The following WWOX variants were observed in gnomAD, a reference collection of about 807,000 sequenced individuals.
WWOX encodes WW domain-containing oxidoreductase.
WWOX carries 69 observed loss-of-function variants against 46.2 expected under a neutral mutation model. The observed-to-expected ratio is 1.49, with a 90% CI of 1.23 to 1.82. The LOEUF is 1.82. Among genes scored for constraint, WWOX ranks in the 40% most tolerant of loss-of-function variants. WWOX has a pLI of 0.00. For missense variants in WWOX, 919 were observed against 542.6 expected (o/e 1.69, Z -6.89); for synonymous variants, 359 against 202.6 (o/e 1.77, Z -6.56).
At position 78,539,604 on chromosome 16, in the gene WWOX, G is replaced by T. The variant is rs893213645; in HGVS notation, c.1056+106852G>T. On this transcript the variant is annotated intron_variant, in intron 8 of 8. Coordinates refer to ENST00000566780, the MANE Select transcript of WWOX (RefSeq NM_016373.4). ...ACACATGCATTTTTAAGAATTTCCC[G>T]ATTCTCTTCCACGTGTGGACAGATT... Among the ~76,000 whole-genome samples the T allele has an allele frequency of 3.3e-5, 5 of 152,278 alleles. No individual in the cohort carries two copies. In the East Asian group the frequency reaches 7.7e-4, roughly 24 times the overall value.
intron 8 of WWOX, among the ~76,000 whole-genome samples, chr16:78,435,017 G>T (rs79376150): frequency 6.6e-6 from 1 of 152,332 alleles, no homozygotes; most frequent in East Asian, 1.9e-4. Flanking sequence ...AGTCAGACTT[G>T]AAAGTTGGCT....
chr16:79,095,554 C>G (rs1266360322), intron 8 of WWOX, among the ~76,000 whole-genome samples: 1 of 152,088 alleles, frequency 6.6e-6, no homozygotes, highest in African/African-American at 2.4e-5. Context: ...CGCGGGGGAG[C>G]TGACATTGCA....
At chr16:78,791,555 C>T (rs892480761) in intron 8 of WWOX, among the ~76,000 whole-genome samples, 6 of 152,186 alleles carry the variant, frequency 3.9e-5, no homozygotes, top group Middle Eastern at 3.4e-3. Flanking sequence ...ATCATACCTT[C>T]GCAGGCCATC....
At chr16:78,335,233 C>G (rs2080861188) in intron 5 of WWOX, among the ~76,000 whole-genome samples, 1 of 152,168 alleles carries the variant, frequency 6.6e-6, no homozygotes, top group Non-Finnish European at 1.5e-5. Context: ...AACTTATCAC[C>G]TGGATATGAA....
chr16:78,912,942 C>T (rs571216425), intron 8 of WWOX, among the ~76,000 whole-genome samples: 88 of 152,064 alleles, frequency 5.8e-4, no homozygotes, highest in African/African-American at 2.0e-3. Flanking sequence ...CTCGAAGGGT[C>T]GAACGGTCCA....
At chr16:78,823,395 T>C (rs2051559031) in intron 8 of WWOX, among the ~76,000 whole-genome samples, 1 of 152,130 alleles carries the variant, frequency 6.6e-6, no homozygotes, top group Non-Finnish European at 1.5e-5. Flanking sequence ...CCAGGTTCAA[T>C]AAGAGGCAGG....
intron 8 of WWOX, among the ~76,000 whole-genome samples, chr16:79,111,924 G>A (rs2049424456): frequency 6.6e-6 from 1 of 152,038 alleles, no homozygotes; most frequent in Non-Finnish European, 1.5e-5. Context: ...TTGCAACTGG[G>A]TCAAGATCAG....
At chr16:79,046,827 CTT>C (rs1567512573) in intron 8 of WWOX, among the ~76,000 whole-genome samples, 1 of 152,190 alleles carries the variant, frequency 6.6e-6, no homozygotes, top group African/African-American at 2.4e-5. Flanking sequence ...ACAAATGTCT[CTT>C]TGTGTCCAAC....
intron 8 of WWOX, among the ~76,000 whole-genome samples, chr16:78,699,819 A>C (rs974553300): frequency 1.3e-5 from 2 of 152,130 alleles, no homozygotes; most frequent in East Asian, 1.9e-4. Context: ...CATTCTTGTT[A>C]ATTTATATCC....
chr16:78,622,901 C>G (rs1359856170), intron 8 of WWOX, among the ~76,000 whole-genome samples: 3 of 152,214 alleles, frequency 2.0e-5, no homozygotes, highest in East Asian at 3.9e-4. Flanking sequence ...AAGAGAGTCT[C>G]TCTCTCCATT....
At chr16:79,057,196 A>T (rs1422774465) in intron 8 of WWOX, among the ~76,000 whole-genome samples, 1 of 152,024 alleles carries the variant, frequency 6.6e-6, no homozygotes, top group Admixed American at 6.6e-5. Flanking sequence ...TTCTCCTTTT[A>T]ATGGTTGAGA....
At chr16:78,846,390 C>G (rs2052299596) in intron 8 of WWOX, among the ~76,000 whole-genome samples, 1 of 152,202 alleles carries the variant, frequency 6.6e-6, no homozygotes, top group African/African-American at 2.4e-5. Flanking sequence ...ATTATCATAT[C>G]TCTCCAGTCC....
intron 5 of WWOX, among the ~76,000 whole-genome samples, chr16:78,239,374 A>G (rs889651806): frequency 6.6e-6 from 1 of 152,122 alleles, no homozygotes; most frequent in Non-Finnish European, 1.5e-5. Flanking sequence ...GAAGAGCCTC[A>G]TTCATGCTGA....
At chr16:79,109,790 G>A (rs1339158758) in intron 8 of WWOX, among the ~76,000 whole-genome samples, 3 of 152,136 alleles carry the variant, frequency 2.0e-5, no homozygotes, top group Non-Finnish European at 4.4e-5. Flanking sequence ...GAAGAAATCA[G>A]AGTCATTTTC....
intron 4 of WWOX, among the ~76,000 whole-genome samples, chr16:78,137,928 G>C (rs568260350): frequency 6.6e-6 from 1 of 150,810 alleles, no homozygotes; most frequent in South Asian, 2.1e-4. Context: ...ATAGTGTGTG[G>C]ATATCACAAA....
At chr16:78,450,941 C>G (rs1378987218) in intron 8 of WWOX, among the ~76,000 whole-genome samples, 1 of 152,156 alleles carries the variant, frequency 6.6e-6, no homozygotes, top group Non-Finnish European at 1.5e-5. Context: ...CTTCCTGTTC[C>G]AAGCACTGGG....
intron 8 of WWOX, among the ~76,000 whole-genome samples, chr16:79,026,055 C>G (rs897800505): frequency 5.3e-5 from 8 of 151,598 alleles, no homozygotes; most frequent in Non-Finnish European, 1.2e-4. Context: ...CCTGTCTTGG[C>G]CTCCCAAAAT....
intron 8 of WWOX, among the ~76,000 whole-genome samples, chr16:79,074,496 G>A (rs1291243701): frequency 1.4e-5 from 2 of 146,140 alleles, no homozygotes; most frequent in African/African-American, 5.1e-5. Context: ...GGGCAGTGTG[G>A]GGGAATGGAG....
intron 5 of WWOX, among the ~76,000 whole-genome samples, chr16:78,198,707 C>G (rs963868597): frequency 6.6e-6 from 1 of 152,076 alleles, no homozygotes; most frequent in Non-Finnish European, 1.5e-5. Context: ...TACCATCTTC[C>G]CTAGTTGTAT....
Sources: allele counts gnomAD v4.1 joint callset (sites outside exome capture counted in the v4.1 genomes callset), GRCh38; gene constraint gnomAD v4.1.1; transcripts MANE v1.5; gene names NCBI Gene and HGNC (gene_info 2026-07-23, HGNC 2026-07-21).